STXBP6: variants seen among roughly 807,000 people sequenced by gnomAD.
The protein encoded by STXBP6 is syntaxin binding protein 6, also known as syntaxin-binding protein 6.
In STXBP6, 21 loss-of-function variants were observed where a neutral mutation model predicts 26.9. That is an observed-to-expected ratio of 0.78 (90% CI 0.55 to 1.12). The LOEUF is 1.12. STXBP6 is among the 50% of genes most tolerant of loss of function. The pLI is 0.00. For synonymous variants in STXBP6, 97 were observed against 92.6 expected (o/e 1.05, Z -0.27); for missense variants, 232 against 257.9 (o/e 0.90, Z 0.69).
intron 2 of STXBP6, among the ~76,000 whole-genome samples, chr14:24,955,027 A>T (rs1336026108): frequency 6.6e-6 from 1 of 152,218 alleles, no homozygotes; most frequent in African/African-American, 2.4e-5. Context: ...TTGTAGAAGG[A>T]TTAAGTAAGC....
At chr14:25,044,430 T>C (rs1391009784) in intron 1 of STXBP6, among the ~76,000 whole-genome samples, 1 of 152,050 alleles carries the variant, frequency 6.6e-6, no homozygotes, top group African/African-American at 2.4e-5. Flanking sequence ...TGAAGTGGCA[T>C]CTCACTGTGG....
rs56666133 is a variant in STXBP6 at position 24,899,801 on chromosome 14, C to CA, written c.155-42645dup. ...ATTTCAAAAAAAAAAAAAAAAAAAG[C>CA]AAAAAAAAAAAAAAAGAGTAACTTA... On this transcript the variant is annotated intron_variant, in intron 2 of 5. Coordinates refer to ENST00000323944, the MANE Select transcript of STXBP6 (RefSeq NM_001394410.1). 1.0e-3 allele frequency among the ~76,000 whole-genome samples: 112 copies of CA among 108,584 alleles called. 1 individual carries two copies. The highest frequency in any genetic ancestry group is 7.6e-3 in the Middle Eastern group (1 of 132). The allele number at this position is 108,584 out of a possible 152,430, so 71.2% of individuals were successfully genotyped here.
intron 2 of STXBP6, among the ~76,000 whole-genome samples, chr14:24,966,301 C>T (rs1334903409): frequency 6.6e-6 from 1 of 151,908 alleles, no homozygotes; most frequent in South Asian, 2.1e-4. Context: ...CTAAATCCTC[C>T]GAGATTAGCA....
intron 2 of STXBP6, among the ~76,000 whole-genome samples, chr14:24,900,371 A>C (rs750289870): frequency 1.3e-5 from 2 of 152,232 alleles, no homozygotes; most frequent in African/African-American, 2.4e-5. Context: ...ATCGGACTCC[A>C]ACAGAACTCT....
At chr14:24,854,569 A>T (rs1312573838) in intron 4 of STXBP6, among the ~76,000 whole-genome samples, 1 of 152,120 alleles carries the variant, frequency 6.6e-6, no homozygotes, top group Non-Finnish European at 1.5e-5. Context: ...AGGCTATCAG[A>T]GCAAACTCCA....
intron 2 of STXBP6, among the ~76,000 whole-genome samples, chr14:24,870,063 C>T (rs1004794549): frequency 1.5e-4 from 23 of 152,216 alleles, no homozygotes; most frequent in African/African-American, 5.5e-4. Context: ...TGGTTTGTGT[C>T]AGGCAGATAA....
chr14:24,978,910 G>A (rs1363835689), intron 1 of STXBP6, among the ~76,000 whole-genome samples: 1 of 152,184 alleles, frequency 6.6e-6, no homozygotes, highest in African/African-American at 2.4e-5. Flanking sequence ...AGGGGAACAG[G>A]TGTAAGATGC....
intron 2 of STXBP6, among the ~76,000 whole-genome samples, chr14:24,877,029 AG>A (rs1366950467): frequency 6.6e-6 from 1 of 152,210 alleles, no homozygotes; most frequent in Non-Finnish European, 1.5e-5. Context: ...TCAATTCAGC[AG>A]GTATATATTT....
At chr14:25,030,485 T>A (rs1431166728) in intron 1 of STXBP6, among the ~76,000 whole-genome samples, 5 of 152,188 alleles carry the variant, frequency 3.3e-5, no homozygotes, top group African/African-American at 7.2e-5. Context: ...CTCTAAGACC[T>A]TGAGTGGAGG....
At chr14:24,891,526 C>T (rs1390726796) in intron 2 of STXBP6, among the ~76,000 whole-genome samples, 1 of 152,154 alleles carries the variant, frequency 6.6e-6, no homozygotes, top group Non-Finnish European at 1.5e-5. Context: ...AGAAAACTGT[C>T]AGGAGACCTG....
At chr14:25,010,844 A>C (rs940255010) in intron 1 of STXBP6, among the ~76,000 whole-genome samples, 6 of 152,192 alleles carry the variant, frequency 3.9e-5, no homozygotes, top group Non-Finnish European at 5.9e-5. Flanking sequence ...AATTTTGACA[A>C]GACCAATGGT....
At chr14:24,856,643 T>C (rs1171413163) in intron 3 of STXBP6, among the ~76,000 whole-genome samples, 1 of 152,020 alleles carries the variant, frequency 6.6e-6, no homozygotes, top group Non-Finnish European at 1.5e-5. Flanking sequence ...ATACCATTCA[T>C]TTACTTGATT....
intron 2 of STXBP6, among the ~76,000 whole-genome samples, chr14:24,931,143 C>CAAA (rs1566486365): frequency 1.4e-5 from 1 of 71,706 alleles, no homozygotes; most frequent in Non-Finnish European, 2.4e-5. Context: ...AAAAAAAAAA[C>CAAA]CCAAACACCA....
At position 25,050,102 on chromosome 14, in the gene STXBP6, C is replaced by G. The variant is rs1357728564; in HGVS notation, c.-257G>C. The G allele has an allele frequency of 1.9e-5, 3 of 155,746 alleles. No individual in the cohort carries two copies. Among genetic ancestry groups the G allele is most frequent in the South Asian group, 2.0e-4 (1 of 4,904 alleles). 9.6% of individuals were successfully genotyped at this position (155,746 alleles called of 1,614,324 possible). A position where few individuals can be genotyped will look rare whatever the true frequency, so the allele number is the denominator to read the frequency against. ...AACTCCCGGCAACTCCAACTCCGGGCGCTGGAGCTCCAGCTGCAGCCGCGC... is the reference window on the plus strand; with the variant it reads ...AACTCCCGGCAACTCCAACTCCGGGGGCTGGAGCTCCAGCTGCAGCCGCGC... On this transcript the variant is annotated 5_prime_UTR_variant, in exon 1 of 6. Coordinates refer to ENST00000323944, the MANE Select transcript of STXBP6 (RefSeq NM_001394410.1).
chr14:24,832,425 G>A (rs2068482569), intron 4 of STXBP6, among the ~76,000 whole-genome samples: 1 of 152,128 alleles, frequency 6.6e-6, no homozygotes, highest in African/African-American at 2.4e-5. Context: ...GTGAATGAGC[G>A]GATATGCTAA....
chr14:24,864,953 T>C (rs1488292406), intron 2 of STXBP6, among the ~76,000 whole-genome samples: 1 of 152,146 alleles, frequency 6.6e-6, no homozygotes, highest in East Asian at 1.9e-4. Flanking sequence ...TCTACTGTGT[T>C]CGACTGGGGA....
intron 3 of STXBP6, 96 bp from the exon 4 acceptor site, chr14:24,856,197 G>A (rs1378990881): frequency 8.3e-7 from 1 of 1,211,034 alleles, no homozygotes; most frequent in Admixed American, 3.0e-5. Flanking sequence ...CTAAAACAAA[G>A]ACTTTGATCG....
intron 1 of STXBP6, among the ~76,000 whole-genome samples, chr14:24,992,304 G>A (rs539435533): frequency 6.6e-6 from 1 of 152,222 alleles, no homozygotes; most frequent in East Asian, 1.9e-4. Flanking sequence ...GCTTTCCCTT[G>A]GCTCTGCTGC....
chr14:24,880,164 C>G (rs2070303740), intron 2 of STXBP6, among the ~76,000 whole-genome samples: 1 of 152,150 alleles, frequency 6.6e-6, no homozygotes, highest in Non-Finnish European at 1.5e-5. Context: ...GCTGGGAAAA[C>G]ATTTTAAAAA....
Sources: gnomAD v4.1 joint callset for allele counts (sites outside exome capture counted in the v4.1 genomes callset) on GRCh38, gnomAD v4.1.1 for gene constraint, MANE v1.5 for transcripts, NCBI Gene and HGNC (gene_info 2026-07-23, HGNC 2026-07-21) for gene names.